KCNH5: variants seen among roughly 807,000 people sequenced by gnomAD.
KCNH5 encodes the protein potassium voltage-gated channel subfamily H member 5.
Under a neutral mutation model 96.1 loss-of-function variants are expected in KCNH5, and 46 were observed. That is an observed-to-expected ratio of 0.48 (90% CI 0.38 to 0.61). The LOEUF (loss-of-function observed/expected upper bound fraction) is 0.61. Ranked by LOEUF, KCNH5 falls within the 20% of genes least tolerant of loss-of-function variation. The pLI, the probability that KCNH5 is intolerant of heterozygous loss-of-function variation, is 0.00. For synonymous variants in KCNH5, 439 were observed against 449.8 expected, an observed-to-expected ratio of 0.98 and a Z score of 0.30; for missense variants, 907 against 1,225.8, an observed-to-expected ratio of 0.74 and a Z score of 3.88.
intron 9 of KCNH5, among the ~76,000 whole-genome samples, chr14:62,790,239 C>G (rs1886405348): frequency 6.6e-6 from 1 of 151,806 alleles, no homozygotes; most frequent in South Asian, 2.1e-4. Context: ...TCTGGGCTCT[C>G]TGTTCTGTTC....
intron 7 of KCNH5, among the ~76,000 whole-genome samples, chr14:62,926,429 CAT>C (rs1889477821): frequency 6.6e-6 from 1 of 152,168 alleles, no homozygotes; most frequent in Admixed American, 6.6e-5. Context: ...CACACACACA[CAT>C]GCACACGCAT....
intron 7 of KCNH5, among the ~76,000 whole-genome samples, chr14:62,935,575 AGGCTTCTCTTCTTCCTCTT>A (rs1346228018): frequency 1.3e-5 from 2 of 152,172 alleles, no homozygotes; most frequent in Non-Finnish European, 2.9e-5. Flanking sequence ...AAAAAATAAA[AGGCTTCTCTTCTTCCTCTT>A]GGCATCATTA....
intron 8 of KCNH5, among the ~76,000 whole-genome samples, chr14:62,808,236 T>G (rs1350789335): frequency 2.6e-5 from 4 of 152,224 alleles, no homozygotes; most frequent in African/African-American, 9.6e-5. Flanking sequence ...GATTTTTTTG[T>G]GTGTAAAGGG....
Position 62,708,187 on chromosome 14 carries a change from G to A in KCNH5, c.2288C>T (p.Thr763Met), listed in dbSNP as rs1181303550. The change falls in exon 11 of 11, where the codon ACG becomes ATG. Residue 763 changes from threonine (T) to methionine (M), a missense_variant. By Grantham distance (81) the Thr-to-Met change is moderately conservative (BLOSUM62 -1). Coordinates refer to ENST00000322893, the MANE Select transcript of KCNH5 (RefSeq NM_139318.5). The stretch of plus-strand genomic sequence containing the variant: ...ACTGGTTTTCACATAGGCCAGAGAC[G>A]TCTGAATGGGAGTAATCTGTGACAC... ...VTVSQITPIQ[T>M]SLAYVKTSES... 14 of 1,614,110 alleles carry A rather than the reference G, an allele frequency of 8.7e-6. No individual in the cohort carries two copies. The East Asian group carries it at 1.6e-4, about 18-fold the overall frequency.
chr14:62,918,676 T>C (rs1274529755), intron 7 of KCNH5, among the ~76,000 whole-genome samples: 2 of 152,024 alleles, frequency 1.3e-5, no homozygotes, highest in African/African-American at 4.8e-5. Context: ...ATACAATAAA[T>C]TCAAATTCAG....
At chr14:62,784,147 G>A (rs535534627) in intron 9 of KCNH5, among the ~76,000 whole-genome samples, 1 of 152,326 alleles carries the variant, frequency 6.6e-6, no homozygotes, top group Non-Finnish European at 1.5e-5. Context: ...GAAGGCACAT[G>A]AGGAGCAAAG....
At chr14:62,765,690 C>G (rs1229818301) in intron 10 of KCNH5, among the ~76,000 whole-genome samples, 1 of 151,932 alleles carries the variant, frequency 6.6e-6, no homozygotes, top group Non-Finnish European at 1.5e-5. Context: ...ACAAACAACC[C>G]CATTAAAAAG....
intron 7 of KCNH5, among the ~76,000 whole-genome samples, chr14:62,892,552 T>C (rs1049158302): frequency 6.6e-6 from 1 of 152,188 alleles, no homozygotes; most frequent in African/African-American, 2.4e-5. Context: ...AAACAACAAA[T>C]TTTCAATGTA....
At chr14:62,895,173 A>G (rs1252582316) in intron 7 of KCNH5, among the ~76,000 whole-genome samples, 3 of 152,174 alleles carry the variant, frequency 2.0e-5, no homozygotes, top group African/African-American at 7.2e-5. Context: ...TTTTTGAGAT[A>G]TTTTAGCATA....
chr14:62,921,531 T>C (rs1043405412), intron 7 of KCNH5, among the ~76,000 whole-genome samples: 9 of 152,134 alleles, frequency 5.9e-5, no homozygotes, highest in African/African-American at 1.9e-4. Context: ...GACTTCAGCC[T>C]GGTTTTATCA....
intron 6 of KCNH5, among the ~76,000 whole-genome samples, chr14:62,952,371 A>C (rs1220258155): frequency 6.6e-6 from 1 of 152,212 alleles, no homozygotes; most frequent in African/African-American, 2.4e-5. Flanking sequence ...AGCTTTCAAA[A>C]ATGGAACAGT....
intron 10 of KCNH5, among the ~76,000 whole-genome samples, chr14:62,778,841 C>T (rs539550701): frequency 1.3e-3 from 192 of 152,274 alleles, no homozygotes; most frequent in Non-Finnish European, 2.2e-3. Context: ...TTCTTGGAAC[C>T]CTAAGTAGGA....
In KCNH5 at chr14:62,906,324, G is replaced by A. The variant is rs367880178; in HGVS notation, c.1369+43809C>T. Among the ~76,000 whole-genome samples, 5 of 152,248 alleles carry A rather than the reference G, an allele frequency of 3.3e-5. No individual in the cohort carries two copies. In the South Asian group the frequency reaches 8.3e-4, roughly 25 times the overall value. On this transcript the variant is annotated intron_variant, in intron 7 of 10. Coordinates refer to ENST00000322893, the MANE Select transcript of KCNH5 (RefSeq NM_139318.5). The stretch of plus-strand genomic sequence containing the variant: ...ACAGACAGACACGCACATACTTGGT[G>A]CTGTGAGAATATAGAAAAGGTTGAG...
At chr14:63,007,294 G>T (rs1891144824) in intron 2 of KCNH5, among the ~76,000 whole-genome samples, 1 of 152,072 alleles carries the variant, frequency 6.6e-6, no homozygotes, top group African/African-American at 2.4e-5. Flanking sequence ...TAGTGAAAGT[G>T]GAAGAATAAA....
chr14:62,853,314 CT>C (rs1390811661), intron 7 of KCNH5, among the ~76,000 whole-genome samples: 1 of 151,682 alleles, frequency 6.6e-6, no homozygotes, highest in African/African-American at 2.4e-5. Context: ...TAAAATTACA[CT>C]GGAATCTTCA....
At chr14:62,926,727 C>A (rs909993056) in intron 7 of KCNH5, among the ~76,000 whole-genome samples, 6 of 152,090 alleles carry the variant, frequency 3.9e-5, no homozygotes, top group South Asian at 2.1e-4. Flanking sequence ...TCCACTGGAT[C>A]AGGGCTCCAC....
At chr14:62,974,841 C>G (rs1451632332) in intron 6 of KCNH5, among the ~76,000 whole-genome samples, 10 of 152,134 alleles carry the variant, frequency 6.6e-5, no homozygotes, top group Admixed American at 6.5e-4. Context: ...AATAAGTCAC[C>G]AGTATGCCTT....
chr14:62,952,789 A>G (rs940402046), intron 6 of KCNH5, among the ~76,000 whole-genome samples: 6 of 152,290 alleles, frequency 3.9e-5, no homozygotes, highest in Admixed American at 1.3e-4. Context: ...TGAGGTCCAA[A>G]TGGTGGGAAG....
chr14:62,799,875 C>A, intron 9 of KCNH5, among the ~76,000 whole-genome samples: 2 of 132,894 alleles, frequency 1.5e-5, no homozygotes, highest in African/African-American at 5.6e-5. Context: ...ATATATAATC[C>A]CTTCACACCC....
Sources: allele counts gnomAD v4.1 joint callset (sites outside exome capture counted in the v4.1 genomes callset), GRCh38; gene constraint gnomAD v4.1.1; transcripts MANE v1.5; gene names NCBI Gene and HGNC (gene_info 2026-07-23, HGNC 2026-07-21).